TTBK2: variants seen among roughly 807,000 people sequenced by gnomAD.
TTBK2 encodes tau-tubulin kinase 2.
A neutral mutation model predicts 110.8 loss-of-function variants in TTBK2; 28 were observed. That is an observed-to-expected ratio of 0.25 (90% CI 0.19 to 0.35). The LOEUF (loss-of-function observed/expected upper bound fraction) is 0.35. Ranked by LOEUF, TTBK2 falls within the 10% of genes least tolerant of loss-of-function variation. TTBK2 has a pLI of 1.00. For synonymous variants in TTBK2, 532 were observed against 527.3 expected (o/e 1.01, Z -0.12); for missense variants, 1,369 against 1,500.3 (o/e 0.91, Z 1.45).
At chr15:42,883,475 T>C (rs1395199621) in intron 1 of TTBK2, among the ~76,000 whole-genome samples, 1 of 151,802 alleles carries the variant, frequency 6.6e-6, no homozygotes, top group Admixed American at 6.6e-5. Context: ...AATGTAATAT[T>C]CATATTATGT....
At chr15:42,905,538 T>C (rs895195934) in intron 1 of TTBK2, among the ~76,000 whole-genome samples, 1 of 152,008 alleles carries the variant, frequency 6.6e-6, no homozygotes, top group Non-Finnish European at 1.5e-5. Flanking sequence ...GTTACAGGCA[T>C]GAGCCACCAT....
intron 9 of TTBK2, among the ~76,000 whole-genome samples, chr15:42,808,155 G>T (rs1191926614): frequency 6.6e-6 from 1 of 152,150 alleles, no homozygotes; most frequent in Non-Finnish European, 1.5e-5. Context: ...AGAGACACAT[G>T]AAAGATTCCT....
intron 10 of TTBK2, among the ~76,000 whole-genome samples, chr15:42,787,428 A>C (rs1286182582): frequency 6.6e-6 from 1 of 152,196 alleles, no homozygotes; most frequent in Non-Finnish European, 1.5e-5. Context: ...AACAGAAAAA[A>C]ATCAGAAGTT....
rs567487166 is a variant in TTBK2 at position 42,793,763 on chromosome 15, G to A, written c.980+881C>T. ...CTTGGGAGGCTGAGGCAGGAAAATC[G>A]CTTGAACCCAGGAGGCAGAGCTGAG... is the stretch of plus-strand genomic sequence containing the variant. On this transcript the variant is annotated intron_variant, in intron 10 of 14. Coordinates refer to ENST00000267890, the MANE Select transcript of TTBK2 (RefSeq NM_173500.4). Among the ~76,000 whole-genome samples the A allele has an allele frequency of 1.7e-3, 255 of 151,210 alleles. 1 individual carries two copies. In the Middle Eastern group the frequency reaches 0.027, roughly 16 times the overall value.
intron 13 of TTBK2, among the ~76,000 whole-genome samples, chr15:42,768,563 G>GAGA (rs1333593967): frequency 1.3e-5 from 2 of 152,104 alleles, no homozygotes; most frequent in Non-Finnish European, 2.9e-5. Flanking sequence ...GGATATGAAG[G>GAGA]ACCTCTTCAA....
chr15:42,871,336 A>G lies in TTBK2; in HGVS notation c.217+1275T>C, dbSNP rs147518199. The G allele has an allele frequency of 5.5e-6, 3 of 544,418 alleles. No homozygotes were observed. In the African/African-American group the frequency reaches 6.1e-5, roughly 11 times the overall value. 33.7% of individuals were successfully genotyped at this position (544,418 alleles called of 1,614,324 possible). The stretch of plus-strand genomic sequence containing the variant: ...CAAGGGTCTCTAACTCATTCATAAA[A>G]GGTACTAAACTGATCTTCAAGTTTT... On this transcript the variant is annotated intron_variant, in intron 3 of 14. Transcript: ENST00000267890.
chr15:42,853,676 G>T (rs1350634605), intron 3 of TTBK2, among the ~76,000 whole-genome samples: 1 of 152,280 alleles, frequency 6.6e-6, no homozygotes, highest in East Asian at 1.9e-4. Flanking sequence ...ACTGACTTAA[G>T]TAGTGATTTT....
chr15:42,902,930 A>G (rs904826057), intron 1 of TTBK2, among the ~76,000 whole-genome samples: 2 of 151,624 alleles, frequency 1.3e-5, no homozygotes, highest in Admixed American at 1.3e-4. Context: ...TGTTACAGAG[A>G]AGAGAGATCG....
intron 3 of TTBK2, among the ~76,000 whole-genome samples, chr15:42,866,970 C>T (rs1894394635): frequency 6.6e-6 from 1 of 152,106 alleles, no homozygotes; most frequent in African/African-American, 2.4e-5. Context: ...CTAGGCCGGG[C>T]GCAGTGGCTC....
At chr15:42,897,404 T>G (rs1895707106) in intron 1 of TTBK2, among the ~76,000 whole-genome samples, 1 of 152,056 alleles carries the variant, frequency 6.6e-6, no homozygotes, top group African/African-American at 2.4e-5. Context: ...TATCTGAAAT[T>G]TTACCAATCA....
chr15:42,782,393 A>C (rs759833909), intron 11 of TTBK2, among the ~76,000 whole-genome samples: 4 of 151,986 alleles, frequency 2.6e-5, no homozygotes, highest in South Asian at 4.2e-4. Flanking sequence ...ATTTTTACTT[A>C]TACTTCTACT....
chr15:42,839,963 T>C (rs1893153818), intron 4 of TTBK2, among the ~76,000 whole-genome samples: 1 of 152,134 alleles, frequency 6.6e-6, no homozygotes, highest in Non-Finnish European at 1.5e-5. Flanking sequence ...AAGAAATAAA[T>C]CTCTGTTCTT....
chr15:42,855,315 A>G (rs1298266356), intron 3 of TTBK2: 1 of 152,210 alleles, frequency 6.6e-6, no homozygotes, highest in East Asian at 1.9e-4. Context: ...TTAGCCCAAT[A>G]GCAATTAGTA....
chr15:42,752,308 T>C lies in TTBK2; in HGVS notation c.2938A>G (p.Lys980Glu), dbSNP rs1253970544. The part of the protein sequence containing the change: ...QKKAYQPDLV[K>E]LLVEKRQFKS... Reference sequence around the variant, plus strand: ...AATTGTCTTTTTTCCACCAGAAGCTTGACTAGGTCTGGCTGATAGGCTTTC... The same window carrying C: ...AATTGTCTTTTTTCCACCAGAAGCTCGACTAGGTCTGGCTGATAGGCTTTC... The change falls in exon 14 of 15, where the codon AAG becomes GAG. Residue 980 changes from lysine (K) to glutamate (E), a missense_variant. Physicochemically the swap from Lys to Glu is moderately conservative, Grantham distance 56 (BLOSUM62 1). Transcript: ENST00000267890. 4 of 1,614,092 alleles carry C rather than the reference T, an allele frequency of 2.5e-6. No homozygotes were observed. The African/African-American group carries it at 5.3e-5, about 22-fold the overall frequency.
At chr15:42,834,004 C>CTA (rs1291135730) in intron 4 of TTBK2, among the ~76,000 whole-genome samples, 1 of 151,708 alleles carries the variant, frequency 6.6e-6, no homozygotes, top group Non-Finnish European at 1.5e-5. Context: ...GAGAGAGACT[C>CTA]TGTCTCAAAA....
At position 42,794,655 on chromosome 15, in the gene TTBK2, A is replaced by C; in HGVS notation, c.969T>G (p.Pro323=). ...TTPQLHTRLT[P]AAIGIANATP... is the part of the protein sequence containing the mutation. ...TGTTTAGGACATACCCAATTGCAGCAGGGGTCAAGCGAGTGTGCAACTGAG... is the reference window on the plus strand; with the variant it reads ...TGTTTAGGACATACCCAATTGCAGCCGGGGTCAAGCGAGTGTGCAACTGAG... Residue 323 remains proline, a synonymous_variant, in exon 10 of 15, where the codon CCT becomes CCG. Transcript: ENST00000267890. 5 of 1,614,158 alleles carry C rather than the reference A, an allele frequency of 3.1e-6. No individual in the cohort carries two copies. Among genetic ancestry groups the C allele is most frequent in the South Asian group, 1.1e-5 (1 of 91,082 alleles).
At chr15:42,809,957 T>C (rs980789686) in intron 9 of TTBK2, among the ~76,000 whole-genome samples, 2 of 152,252 alleles carry the variant, frequency 1.3e-5, no homozygotes, top group African/African-American at 4.8e-5. Context: ...ATAAGGATGA[T>C]ATACTAATAC....
At chr15:42,841,580 A>T (rs1293522665) in intron 3 of TTBK2, among the ~76,000 whole-genome samples, 2 of 152,168 alleles carry the variant, frequency 1.3e-5, no homozygotes, top group African/African-American at 4.8e-5. Flanking sequence ...CTGCAGGGTA[A>T]TGAGAAGTAT....
At chr15:42,865,659 T>C (rs540544118) in intron 3 of TTBK2, among the ~76,000 whole-genome samples, 7 of 151,374 alleles carry the variant, frequency 4.6e-5, no homozygotes, top group African/African-American at 1.5e-4. Flanking sequence ...TCTGTATCCA[T>C]CAACTTTTTA....
Sources: allele counts gnomAD v4.1 joint callset (sites outside exome capture counted in the v4.1 genomes callset), GRCh38; gene constraint gnomAD v4.1.1; transcripts MANE v1.5; gene names NCBI Gene and HGNC (gene_info 2026-07-23, HGNC 2026-07-21).